LRRC37A2: variants seen among roughly 807,000 people sequenced by gnomAD.
LRRC37A2 encodes the protein leucine-rich repeat-containing protein 37A2.
Under a neutral mutation model 68.8 loss-of-function variants are expected in LRRC37A2, and 9 were observed. That is an observed-to-expected ratio of 0.13 (90% CI 0.08 to 0.23). The LOEUF is 0.23. Among genes scored for constraint, LRRC37A2 ranks in the 10% least tolerant of loss-of-function variants. The pLI, the probability that LRRC37A2 is intolerant of heterozygous loss-of-function variation, is 1.00. For missense variants in LRRC37A2, 168 were observed against 950.4 expected, an observed-to-expected ratio of 0.18 and a Z score of 10.82; for synonymous variants, 63 against 367.6, an observed-to-expected ratio of 0.17 and a Z score of 9.48.
At chr17:46,912,382 T>C in the LRRC37A2 span, among the ~76,000 whole-genome samples, 5 of 152,138 alleles carry the variant, frequency 3.3e-5, no homozygotes, top group African/African-American at 1.2e-4. Flanking sequence ...CTGGTAGGGG[T>C]CCAGCTCCCC....
chr17:46,962,200 G>T, the LRRC37A2 span, among the ~76,000 whole-genome samples: 7 of 151,956 alleles, frequency 4.6e-5, no homozygotes, highest in Non-Finnish European at 1.0e-4. Context: ...GTGATGGCAT[G>T]CGCCTGTAAT....
At chr17:47,015,150 G>A in the LRRC37A2 span, among the ~76,000 whole-genome samples, 3 of 151,484 alleles carry the variant, frequency 2.0e-5, no homozygotes, top group Middle Eastern at 3.4e-3. Flanking sequence ...TGGGATTATA[G>A]ACACGCGTCA....
chr17:46,979,095 C>G, the LRRC37A2 span: 1 of 1,244,676 alleles, frequency 8.0e-7, no homozygotes, highest in Admixed American at 4.3e-5. Flanking sequence ...CGCTCCGGAC[C>G]CCTCGGACCG....
At chr17:46,966,804 T>C in the LRRC37A2 span, 9 of 428,024 alleles carry the variant, frequency 2.1e-5, no homozygotes, top group Non-Finnish European at 3.7e-5. Flanking sequence ...ATGTGGCCGA[T>C]GAGAAAAATC....
chr17:47,028,568 C>G, the LRRC37A2 span, among the ~76,000 whole-genome samples: 2 of 152,254 alleles, frequency 1.3e-5, no homozygotes, highest in Admixed American at 1.3e-4. Flanking sequence ...TGTCCTAGTT[C>G]TGACCTATAG....
the LRRC37A2 span, among the ~76,000 whole-genome samples, chr17:47,037,894 T>C: frequency 5.3e-5 from 8 of 152,254 alleles, no homozygotes; most frequent in African/African-American, 1.9e-4. Context: ...TCATCCAGCT[T>C]ATCCAATTAT....
At chr17:46,806,931 C>T in the LRRC37A2 span, among the ~76,000 whole-genome samples, 2 of 152,164 alleles carry the variant, frequency 1.3e-5, no homozygotes, top group African/African-American at 4.8e-5. Context: ...TGGGTGCTAC[C>T]TGGGCACTCC....
chr17:46,926,025 C>T, the LRRC37A2 span, among the ~76,000 whole-genome samples: 1 of 152,154 alleles, frequency 6.6e-6, no homozygotes. Flanking sequence ...TGGACCTTAT[C>T]GTATGTCCAG....
At chr17:46,572,971 AAGGGAGGGAGGG>A in the LRRC37A2 span, among the ~76,000 whole-genome samples, 3 of 40,368 alleles carry the variant, frequency 7.4e-5, no homozygotes, top group South Asian at 7.3e-4. Context: ...AAGGACAGAA[AAGGGAGGGAGGG>A]AGGGAGGGAG....
the LRRC37A2 span, chr17:46,911,593 A>G: frequency 6.6e-6 from 1 of 152,222 alleles, no homozygotes; most frequent in African/African-American, 2.4e-5. Flanking sequence ...TCATCTGCAA[A>G]TTAAGATAGC....
At chr17:46,745,732 C>T in the LRRC37A2 span, among the ~76,000 whole-genome samples, 1 of 152,204 alleles carries the variant, frequency 6.6e-6, no homozygotes, top group Non-Finnish European at 1.5e-5. Context: ...GAGGATGTAT[C>T]AGCATGTGTG....
the LRRC37A2 span, among the ~76,000 whole-genome samples, chr17:46,857,669 G>T: frequency 4.7e-4 from 72 of 152,206 alleles, no homozygotes; most frequent in African/African-American, 1.6e-3. Context: ...GCATTTTTCA[G>T]AGTGGTTTTA....
intron 8 of LRRC37A2, among the ~76,000 whole-genome samples, chr17:46,541,302 A>C (rs570553238): frequency 1.1e-4 from 17 of 150,100 alleles, no homozygotes; most frequent in African/African-American, 4.3e-4. Context: ...CCCAGGCTGC[A>C]GTGCAGCGGC....
the LRRC37A2 span, among the ~76,000 whole-genome samples, chr17:46,927,955 A>G: frequency 2.6e-5 from 4 of 152,132 alleles, no homozygotes; most frequent in Admixed American, 1.3e-4. Flanking sequence ...GGACTTCCTT[A>G]GAGTCCTAAT....
the LRRC37A2 span, chr17:46,931,911 G>A: frequency 1.5e-5 from 11 of 716,674 alleles, no homozygotes; most frequent in African/African-American, 1.1e-4. Context: ...TTTCAACATC[G>A]TTGATCAAAA....
At chr17:46,938,896 G>A in the LRRC37A2 span, 4 of 1,539,946 alleles carry the variant, frequency 2.6e-6, no homozygotes, top group Non-Finnish European at 3.5e-6. Context: ...GGGAGTGATT[G>A]TGGTCTAATT....
At chr17:46,716,495 G>A in the LRRC37A2 span, among the ~76,000 whole-genome samples, 4 of 152,086 alleles carry the variant, frequency 2.6e-5, no homozygotes, top group African/African-American at 9.7e-5. Context: ...CTGACCTCAT[G>A]ATCCGCACGC....
At chr17:46,575,287 T>A in the LRRC37A2 span, among the ~76,000 whole-genome samples, 7 of 146,848 alleles carry the variant, frequency 4.8e-5, no homozygotes, top group Non-Finnish European at 1.1e-4. Context: ...AACAAGCCGG[T>A]AAAACACAGT....
the LRRC37A2 span, chr17:46,763,831 C>CAAAAAAAA: frequency 3.2e-5 from 4 of 123,688 alleles, no homozygotes; most frequent in African/African-American, 3.2e-5. Context: ...CCACTACCAC[C>CAAAAAAAA]AAAAAAAAAA....
Sources: allele counts gnomAD v4.1 joint callset (sites outside exome capture counted in the v4.1 genomes callset), GRCh38; gene constraint gnomAD v4.1.1; transcripts MANE v1.5; gene names NCBI Gene and HGNC (gene_info 2026-07-23, HGNC 2026-07-21).